CAPN14: variants seen among roughly 807,000 people sequenced by gnomAD.
CAPN14 encodes the protein calpain 14.
A neutral mutation model predicts 101.3 loss-of-function variants in CAPN14; 94 were observed. The observed-to-expected ratio is 0.93, with a 90% CI of 0.79 to 1.10. The LOEUF (loss-of-function observed/expected upper bound fraction) is 1.10, where lower values mean the gene tolerates loss of function less well. CAPN14 is among the 50% of genes least tolerant of loss of function. CAPN14 has a pLI of 0.00. For synonymous variants in CAPN14, 338 were observed against 317.9 expected (o/e 1.06, Z -0.67); for missense variants, 837 against 828.4 (o/e 1.01, Z -0.13).
intron 16 of CAPN14, among the ~76,000 whole-genome samples, chr2:31,185,967 T>C (rs1680880764): frequency 6.6e-6 from 1 of 152,204 alleles, no homozygotes; most frequent in Non-Finnish European, 1.5e-5. Context: ...ACGCTACTCA[T>C]TTGCAATTCT....
At chr2:31,181,644 G>A (rs1323898994) in intron 16 of CAPN14, among the ~76,000 whole-genome samples, 5 of 146,312 alleles carry the variant, frequency 3.4e-5, no homozygotes, top group African/African-American at 1.3e-4. Flanking sequence ...TTAGCATTAG[G>A]CATATCTCCT....
rs537962351 is a variant in CAPN14, at chr2:31,189,964, C to T, written c.1288-486G>A. ...TATGGACACAGATACAGATGGACCA[C>T]GACCACCTCCCCACCTACACCACAC... On this transcript the variant is annotated intron_variant, in intron 12 of 21. Coordinates refer to ENST00000403897, the MANE Select transcript of CAPN14 (RefSeq NM_001145122.2). Among the ~76,000 whole-genome samples the T allele has an allele frequency of 2.4e-4, 35 of 148,710 alleles. No individual in the cohort carries two copies. In the East Asian group the frequency reaches 4.8e-3, roughly 21 times the overall value.
Position 31,202,422 on chromosome 2 carries a change from T to C in CAPN14, c.296-170A>G, listed in dbSNP as rs115979180. On this transcript the variant is annotated intron_variant, in intron 3 of 21. Coordinates refer to ENST00000403897, the MANE Select transcript of CAPN14 (RefSeq NM_001145122.2). ...GTGAGCAGAGGTGGGGCTGGGAGCA[T>C]TGGCTGAAATCCAACTTGACCCCAA... is the stretch of plus-strand genomic sequence containing the variant. 9.3e-3 allele frequency among the ~76,000 whole-genome samples: 1,423 copies of C among 152,214 alleles called. 30 individuals carry two copies. The highest frequency in any genetic ancestry group is 0.033 in the African/African-American group (1,350 of 41,530).
intron 1 of CAPN14, among the ~76,000 whole-genome samples, chr2:31,209,137 CTTTTT>C (rs34521833): frequency 5.3e-5 from 7 of 131,772 alleles, no homozygotes; most frequent in Non-Finnish European, 9.5e-5. Flanking sequence ...GCGCAGCTAA[CTTTTT>C]TTTTTTTTTT....
At chr2:31,207,848 C>T (rs1682181755) in intron 1 of CAPN14, among the ~76,000 whole-genome samples, 1 of 152,172 alleles carries the variant, frequency 6.6e-6, no homozygotes, top group African/African-American at 2.4e-5. Flanking sequence ...AACACTTGCT[C>T]TCAGTTTTGT....
At chr2:31,225,243 T>G (rs1032445718) in intron 2 of CAPN14, among the ~76,000 whole-genome samples, 1 of 152,084 alleles carries the variant, frequency 6.6e-6, no homozygotes, top group African/African-American at 2.4e-5. Context: ...TTTAAAAGTC[T>G]ATCATTTCTC....
intron 20 of CAPN14, 106 bp downstream of exon 20, chr2:31,176,919 GT>G (rs1325999640): frequency 1.2e-6 from 1 of 850,134 alleles, no homozygotes; most frequent in Non-Finnish European, 1.9e-6. Flanking sequence ...CTGGTCTGCT[GT>G]TTCTGGGATG....
In CAPN14 at chr2:31,192,065, G is replaced by C; in HGVS notation, c.1148C>G (p.Ser383Cys). 6.4e-7 allele frequency: 1 copy of C among 1,550,984 alleles called. No homozygotes were observed. The highest frequency in any genetic ancestry group is 8.7e-7 in the Non-Finnish European group (1 of 1,146,632). ...CCTGCCCTCCTCGGGCCTCCAGACA[G>C]ACAGCAGGAACTGCGGGTTCTTCCA... ...TFWKNPQFLL[S>C]VWRPEEGRRS... The change falls in exon 11 of 22, where the codon TCT becomes TGT. Residue 383 changes from serine to cysteine, a missense_variant. By Grantham distance (112) the Ser-to-Cys change is moderately radical (BLOSUM62 -1). Transcript: ENST00000403897.
rs568474891 is a variant in CAPN14 at position 31,191,257 on chromosome 2, C to T, written c.1287+142G>A. 2,951 of 802,236 alleles carry T rather than the reference C, an allele frequency of 3.7e-3. 15 individuals are homozygous for T. The highest frequency in any genetic ancestry group is 4.2e-3 in the Non-Finnish European group (2,131 of 508,166). The allele number at this position is 802,236 out of a possible 1,614,324, so 49.7% of individuals were successfully genotyped here. The stretch of plus-strand genomic sequence containing the variant: ...TTTACTTTCATATACACACAGGCAG[C>T]GGGCAGACATTCTCATCATCTGGCA... On this transcript the variant is annotated intron_variant, in intron 12 of 21. Coordinates refer to ENST00000403897, the MANE Select transcript of CAPN14 (RefSeq NM_001145122.2).
chr2:31,182,847 C>T (rs544518407), intron 16 of CAPN14, among the ~76,000 whole-genome samples: 18 of 151,718 alleles, frequency 1.2e-4, no homozygotes, highest in Admixed American at 3.3e-4. Context: ...TTAAAGTTCA[C>T]ATGGAACCAA....
intron 2 of CAPN14, among the ~76,000 whole-genome samples, chr2:31,225,206 T>C (rs916931893): frequency 5.9e-5 from 9 of 152,010 alleles, no homozygotes; most frequent in African/African-American, 2.2e-4. Flanking sequence ...ATTTCAAAAC[T>C]TTTTCATAAT....
In CAPN14 at chr2:31,188,420, C is replaced by T. The variant is rs1173118598; in HGVS notation, c.1494-66G>A. 1.9e-5 allele frequency: 28 copies of T among 1,442,046 alleles called. No individual in the cohort carries two copies. In the Admixed American group the frequency reaches 5.1e-4, roughly 26 times the overall value. The allele number at this position is 1,442,046 out of a possible 1,614,324, so 89.3% of individuals were successfully genotyped here. On this transcript the variant is annotated intron_variant, in intron 13 of 21. Transcript: ENST00000403897. The stretch of plus-strand genomic sequence containing the variant: ...TGGGAATTTTTTGGCCAATCTTCCC[C>T]TTCTCCTGGGAGCTCGTCTTCCACG...
chr2:31,179,694 T>C (rs1172058353), intron 17 of CAPN14, among the ~76,000 whole-genome samples: 1 of 152,228 alleles, frequency 6.6e-6, no homozygotes, highest in African/African-American at 2.4e-5. Context: ...TGTAAAATTG[T>C]TCCTATTTAT....
intron 2 of CAPN14, among the ~76,000 whole-genome samples, chr2:31,223,434 G>A (rs1682918549): frequency 6.6e-6 from 1 of 152,056 alleles, no homozygotes; most frequent in Non-Finnish European, 1.5e-5. Flanking sequence ...GACCCCATCT[G>A]GAGCACATCA....
chr2:31,196,677 C>T (rs1681484370), intron 8 of CAPN14, among the ~76,000 whole-genome samples: 2 of 152,192 alleles, frequency 1.3e-5, no homozygotes, highest in African/African-American at 2.4e-5. Context: ...CAGTGTCTAG[C>T]CTGCAAAACC....
chr2:31,227,394 C>G (rs570140078), intron 1 of CAPN14, among the ~76,000 whole-genome samples: 131 of 152,172 alleles, frequency 8.6e-4, no homozygotes, highest in Middle Eastern at 3.4e-3. Flanking sequence ...TAGACTCAGA[C>G]AGACCCTCTT....
chr2:31,186,864 C>T (rs559782222), intron 15 of CAPN14, among the ~76,000 whole-genome samples: 1 of 152,274 alleles, frequency 6.6e-6, no homozygotes, highest in East Asian at 1.9e-4. Flanking sequence ...AAAACTGAGG[C>T]ATATTCATAA....
chr2:31,223,572 A>G (rs1682926547), intron 2 of CAPN14, among the ~76,000 whole-genome samples: 1 of 134,838 alleles, frequency 7.4e-6, no homozygotes, highest in Admixed American at 8.2e-5. Context: ...ATGGAGTCCC[A>G]GGCTGGAGTG....
upstream of CAPN14, among the ~76,000 whole-genome samples, chr2:31,219,203 G>C (rs73921598): frequency 6.6e-6 from 1 of 152,246 alleles, no homozygotes; most frequent in Admixed American, 6.5e-5. Flanking sequence ...CAGAGCCACC[G>C]AGACGCATAG....
Sources: gnomAD v4.1 joint callset for allele counts (sites outside exome capture counted in the v4.1 genomes callset) on GRCh38, gnomAD v4.1.1 for gene constraint, MANE v1.5 for transcripts, NCBI Gene and HGNC (gene_info 2026-07-23, HGNC 2026-07-21) for gene names.